Variants in XYLB observed in about 807,000 individuals in gnomAD.
XYLB encodes xylulose kinase.
Under a neutral mutation model 78.7 loss-of-function variants are expected in XYLB, and 62 were observed. The ratio of observed to expected loss-of-function variants is 0.79; its 90% CI spans 0.64 to 0.97. XYLB has a LOEUF of 0.97. XYLB is among the 50% of genes least tolerant of loss of function. The pLI is 0.00. For synonymous variants in XYLB, 245 were observed against 247.4 expected (o/e 0.99, Z 0.09); for missense variants, 687 against 676.8 (o/e 1.02, Z -0.17).
the XYLB span, among the ~76,000 whole-genome samples, chr3:38,436,689 A>C: frequency 6.6e-6 from 1 of 152,122 alleles, no homozygotes; most frequent in African/African-American, 2.4e-5. Context: ...AGCAAACCAA[A>C]TCCAACAGCA....
intron 15 of XYLB, among the ~76,000 whole-genome samples, chr3:38,382,947 C>T (rs1325868119): frequency 3.9e-5 from 6 of 152,204 alleles, no homozygotes; most frequent in South Asian, 2.1e-4. Context: ...AGAGGTTGCA[C>T]GCACGTGAGG....
intron 18 of XYLB, among the ~76,000 whole-genome samples, chr3:38,402,714 T>C (rs996785402): frequency 3.9e-5 from 6 of 152,266 alleles, no homozygotes; most frequent in African/African-American, 1.4e-4. Context: ...TTGTGAGGCT[T>C]AAAAAGAATC....
At chr3:38,424,915 T>C (rs1399028552), downstream of XYLB, among the ~76,000 whole-genome samples, 1 of 152,238 alleles carries the variant, frequency 6.6e-6, no homozygotes, top group Non-Finnish European at 1.5e-5. Context: ...CTAGTTGCTA[T>C]GGCATTATCT....
At chr3:38,362,171 T>G (rs818839) in intron 3 of XYLB, among the ~76,000 whole-genome samples, 136,066 of 152,254 alleles carry the variant, frequency 0.89, 61,390 homozygotes, top group East Asian at 1. Context: ...ACTTCCCTGT[T>G]GCAGTGAAGT....
At chr3:38,412,638 T>A (rs949129852) in intron 18 of XYLB, among the ~76,000 whole-genome samples, 1 of 152,204 alleles carries the variant, frequency 6.6e-6, no homozygotes, top group Non-Finnish European at 1.5e-5. Context: ...TCACCAGCTT[T>A]CACCAGCTGT....
At chr3:38,405,649 A>G (rs1708287590) in intron 18 of XYLB, among the ~76,000 whole-genome samples, 1 of 152,232 alleles carries the variant, frequency 6.6e-6, no homozygotes, top group Admixed American at 6.5e-5. Context: ...GGGGTGACAG[A>G]TGGCACCTGG....
rs754962687 is a variant in XYLB, at chr3:38,376,143, A to C, written c.1031A>C (p.Glu344Ala). Residue 344 changes from glutamate to alanine, a missense_variant, in exon 13 of 19, where the codon GAG becomes GCG. Coordinates refer to ENST00000207870, the MANE Select transcript of XYLB (RefSeq NM_005108.4). ...LCFKNGSLMR[E>A]KIRNESVSRS... Reference sequence around the variant, plus strand: ...TTTAAAAATGGCTCCCTCATGAGAGAGAAGATCCGCAACGAGTCTGTATCC... The same window carrying C: ...TTTAAAAATGGCTCCCTCATGAGAGCGAAGATCCGCAACGAGTCTGTATCC... 3.1e-6 allele frequency: 5 copies of C among 1,613,918 alleles called. No individual in the cohort carries two copies. The highest frequency in any genetic ancestry group is 2.5e-6 in the Non-Finnish European group (3 of 1,179,932).
intron 15 of XYLB, among the ~76,000 whole-genome samples, chr3:38,384,178 T>G (rs1707278458): frequency 6.6e-6 from 1 of 152,072 alleles, no homozygotes; most frequent in South Asian, 2.1e-4. Flanking sequence ...GTGATCCTCC[T>G]GCCTCAGTCT....
Position 38,364,009 on chromosome 3 carries a change from C to T in XYLB, c.291+992C>T, listed in dbSNP as rs538048536. 1.4e-4 allele frequency among the ~76,000 whole-genome samples: 21 copies of T among 152,246 alleles called. No homozygotes were observed. The South Asian group carries it at 1.9e-3, about 14-fold the overall frequency. On this transcript the variant is annotated intron_variant, in intron 4 of 18. Transcript: ENST00000207870. Reference sequence around the variant, plus strand: ...ACAGAGATTCCCTGGGTGATCTTGTCCACTTCTCTCTCCCGAATCCCAGGC... The same window carrying T: ...ACAGAGATTCCCTGGGTGATCTTGTTCACTTCTCTCTCCCGAATCCCAGGC...
chr3:38,427,126 C>T, the XYLB span, among the ~76,000 whole-genome samples: 1 of 152,206 alleles, frequency 6.6e-6, no homozygotes, highest in Non-Finnish European at 1.5e-5. Flanking sequence ...GTGGGTCAAG[C>T]TCTGTTTGTG....
At chr3:38,385,961 A>C (rs552776886) in intron 15 of XYLB, among the ~76,000 whole-genome samples, 1 of 152,304 alleles carries the variant, frequency 6.6e-6, no homozygotes, top group Non-Finnish European at 1.5e-5. Context: ...ATACATATCC[A>C]AATATATATA....
intron 12 of XYLB, among the ~76,000 whole-genome samples, chr3:38,375,467 C>T (rs1019034826): frequency 6.6e-6 from 1 of 152,234 alleles, no homozygotes; most frequent in Non-Finnish European, 1.5e-5. Flanking sequence ...GACCCTGTGT[C>T]CTTCAAGCCC....
At chr3:38,363,838 A>G (rs943195724) in intron 4 of XYLB, among the ~76,000 whole-genome samples, 5 of 152,216 alleles carry the variant, frequency 3.3e-5, no homozygotes, top group African/African-American at 1.2e-4. Context: ...TATCTCATTC[A>G]GTCCCTTGGC....
chr3:38,438,563 G>A, the XYLB span, among the ~76,000 whole-genome samples: 3 of 152,232 alleles, frequency 2.0e-5, no homozygotes, highest in Admixed American at 1.3e-4. Context: ...TTCCGGAGTT[G>A]GTTCCTTCCT....
chr3:38,356,166 G>C (rs1297779024), intron 2 of XYLB: 1 of 165,862 alleles, frequency 6.0e-6, no homozygotes, highest in Non-Finnish European at 1.3e-5. Flanking sequence ...CAGGAGAATG[G>C]CGTGAACCTG....
intron 2 of XYLB, among the ~76,000 whole-genome samples, chr3:38,353,125 G>A (rs2125552509): frequency 6.6e-6 from 1 of 152,244 alleles, no homozygotes; most frequent in East Asian, 1.9e-4. Flanking sequence ...AGTTCAAAAG[G>A]CCTTCCTCAC....
Position 38,398,043 on chromosome 3 carries a change from C to T in XYLB, c.1438+884C>T, listed in dbSNP as rs557519516. Among the ~76,000 whole-genome samples, 4 of 151,674 alleles carry T rather than the reference C, an allele frequency of 2.6e-5. No individual in the cohort carries two copies. In the South Asian group the frequency reaches 8.3e-4, roughly 31 times the overall value. On this transcript the variant is annotated intron_variant, in intron 17 of 18. Coordinates refer to ENST00000207870, the MANE Select transcript of XYLB (RefSeq NM_005108.4). ...CTGTGTTAGCCAGGATGGTCTCGAT[C>T]TCCTGACTTTGTGATCTGCCCACCT...
At chr3:38,350,912 C>T (rs969880869) in intron 2 of XYLB, among the ~76,000 whole-genome samples, 1 of 151,846 alleles carries the variant, frequency 6.6e-6, no homozygotes, top group Non-Finnish European at 1.5e-5. Context: ...GAGGCTGAAG[C>T]AGGCAGAACA....
chr3:38,376,245 G>A lies in XYLB; in HGVS notation c.1120+13G>A. On this transcript the variant is annotated intron_variant, in intron 13 of 18. Coordinates refer to ENST00000207870, the MANE Select transcript of XYLB (RefSeq NM_005108.4). ...GGTGGAAACCTGGGTAGGCCAGTTG[G>A]TGGTGCCCAGGCCTGTGAAGGGTCA... 6.3e-7 allele frequency: 1 copy of A among 1,580,272 alleles called. No homozygotes were observed. The highest frequency in any genetic ancestry group is 1.7e-5 in the Admixed American group (1 of 59,996).
Sources: allele counts gnomAD v4.1 joint callset (sites outside exome capture counted in the v4.1 genomes callset), GRCh38; gene constraint gnomAD v4.1.1; transcripts MANE v1.5; gene names NCBI Gene and HGNC (gene_info 2026-07-23, HGNC 2026-07-21).